The following UBAP1 variants were observed in gnomAD, a reference collection of about 807,000 sequenced individuals.
UBAP1 encodes the protein ubiquitin associated protein 1.
UBAP1 carries 5 observed loss-of-function variants against 39.0 expected under a neutral mutation model. The observed-to-expected ratio is 0.13, with a 90% confidence interval of 0.07 to 0.27. UBAP1 has a LOEUF of 0.27. Ranked by LOEUF, UBAP1 falls within the 10% of genes least tolerant of loss-of-function variation. The pLI is 1.00. For synonymous variants in UBAP1, 211 were observed against 225.1 expected, an observed-to-expected ratio of 0.94 and a Z score of 0.56; for missense variants, 490 against 608.1, an observed-to-expected ratio of 0.81 and a Z score of 2.04.
chr9:34,183,417 T>C (rs1317237777), intron 1 of UBAP1, among the ~76,000 whole-genome samples: 2 of 151,610 alleles, frequency 1.3e-5, no homozygotes, highest in Admixed American at 1.3e-4. Context: ...TGGTGGTGTG[T>C]GCCTGTAGTC....
At chr9:34,250,802 G>A (rs1340816627) in intron 6 of UBAP1, 43 bp downstream of exon 6, 1 of 1,540,432 alleles carries the variant, frequency 6.5e-7, no homozygotes, top group Non-Finnish European at 9.0e-7. Context: ...GGAAAAGGAG[G>A]GACCAAGTAT....
intron 1 of UBAP1, among the ~76,000 whole-genome samples, chr9:34,198,886 A>G (rs1244215215): frequency 6.6e-6 from 1 of 152,188 alleles, no homozygotes; most frequent in East Asian, 1.9e-4. Flanking sequence ...GCAGTCAAAA[A>G]GTCAAGCCAC....
At chr9:34,190,656 CAG>C (rs1227318204) in intron 1 of UBAP1, among the ~76,000 whole-genome samples, 2 of 131,128 alleles carry the variant, frequency 1.5e-5, no homozygotes, top group Non-Finnish European at 3.2e-5. Flanking sequence ...TTTTTGGAGA[CAG>C]GGTCTCGCTC....
intron 4 of UBAP1, among the ~76,000 whole-genome samples, chr9:34,245,775 T>TG (rs1478502155): frequency 8.2e-6 from 1 of 121,278 alleles, no homozygotes; most frequent in African/African-American, 3.2e-5. Context: ...GGGATCCTAA[T>TG]GGGCTGATAG....
chr9:34,233,119 T>A (rs1587866276), intron 2 of UBAP1, among the ~76,000 whole-genome samples: 1 of 152,184 alleles, frequency 6.6e-6, no homozygotes, highest in Non-Finnish European at 1.5e-5. Context: ...CAGAATCCCA[T>A]GATTTTGTCG....
chr9:34,225,151 T>A (rs1832977332), intron 2 of UBAP1, among the ~76,000 whole-genome samples: 1 of 152,172 alleles, frequency 6.6e-6, no homozygotes, highest in Admixed American at 6.6e-5. Context: ...TGTGGGTAAC[T>A]TTTCTGTGGC....
chr9:34,189,281 A>T (rs1426691144), intron 1 of UBAP1, among the ~76,000 whole-genome samples: 3 of 151,056 alleles, frequency 2.0e-5, no homozygotes, highest in African/African-American at 7.3e-5. Context: ...CTCCTCCTCC[A>T]GGGTTCAAGT....
At chr9:34,200,745 A>G (rs996713724) in intron 1 of UBAP1, among the ~76,000 whole-genome samples, 2 of 152,138 alleles carry the variant, frequency 1.3e-5, no homozygotes, top group African/African-American at 2.4e-5. Context: ...TTTCTGTCCT[A>G]TCCTATCCTT....
At chr9:34,189,883 G>A (rs758525981) in intron 1 of UBAP1, among the ~76,000 whole-genome samples, 1 of 151,914 alleles carries the variant, frequency 6.6e-6, no homozygotes, top group Non-Finnish European at 1.5e-5. Context: ...TGATCTACCC[G>A]CCTCAGCCTC....
upstream of UBAP1, chr9:34,179,033 G>A (rs865884402): frequency 7.9e-7 from 1 of 1,262,482 alleles, no homozygotes; most frequent in Non-Finnish European, 1.0e-6. Flanking sequence ...GGCGGTGAGG[G>A]GAAGGAGGAG....
At chr9:34,224,380 T>C in intron 2 of UBAP1, 2 of 434,188 alleles carry the variant, frequency 4.6e-6, no homozygotes, top group South Asian at 1.0e-4. Flanking sequence ...ATTAAACGCA[T>C]TGTAGACAAC....
At chr9:34,223,832 T>G (rs1832892835) in intron 2 of UBAP1, among the ~76,000 whole-genome samples, 1 of 152,226 alleles carries the variant, frequency 6.6e-6, no homozygotes, top group Admixed American at 6.5e-5. Context: ...CTTAGGCTGC[T>G]TCTCCTTTAA....
chr9:34,231,926 C>T (rs1343892715), intron 2 of UBAP1, among the ~76,000 whole-genome samples: 1 of 152,098 alleles, frequency 6.6e-6, no homozygotes, highest in Non-Finnish European at 1.5e-5. Flanking sequence ...CCACTGTGCC[C>T]GGCCGGGACA....
intron 1 of UBAP1, among the ~76,000 whole-genome samples, chr9:34,193,432 G>T (rs1017102563): frequency 1.3e-5 from 2 of 152,114 alleles, no homozygotes; most frequent in Non-Finnish European, 2.9e-5. Flanking sequence ...AAGTGTGGGG[G>T]TTTTTCACCT....
chr9:34,214,194 AAAG>A (rs956074010), intron 1 of UBAP1, among the ~76,000 whole-genome samples: 6 of 152,352 alleles, frequency 3.9e-5, no homozygotes, highest in African/African-American at 1.4e-4. Flanking sequence ...TGGAACAAAA[AAAG>A]AACCTGCATA....
rs1833974706 is a variant in UBAP1, at chr9:34,241,885, T to C, written c.860T>C (p.Phe287Ser). The part of the protein sequence containing the change: ...NQKTAKLAST[F>S]HSTSCLRNGT... ...AAGACAGCCAAGCTGGCGAGCACTT[T>C]CCATAGCACATCCTGCCTCCGCAAT... The change falls in exon 4 of 7, where the codon TTC (phenylalanine) becomes TCC (serine). Residue 287 changes from phenylalanine to serine, a missense_variant. Physicochemically the swap from Phe to Ser is radical, Grantham distance 155 (BLOSUM62 -2). This residue lies in a region of UBAP1 where 339 missense variants were observed against 390.0 expected (regional missense o/e 0.87). Coordinates refer to ENST00000297661, the MANE Select transcript of UBAP1 (RefSeq NM_016525.5). The C allele has an allele frequency of 6.2e-7, 1 of 1,614,164 alleles. No individual in the cohort carries two copies. Among genetic ancestry groups the C allele is most frequent in the Non-Finnish European group, 8.5e-7 (1 of 1,180,036 alleles).
At chr9:34,225,620 A>G (rs928362772) in intron 2 of UBAP1, among the ~76,000 whole-genome samples, 27 of 150,748 alleles carry the variant, frequency 1.8e-4, no homozygotes, top group Non-Finnish European at 2.1e-4. Flanking sequence ...TACTAAAAAT[A>G]CAAAAAAAAA....
At chr9:34,195,620 G>C (rs544112805) in intron 1 of UBAP1, among the ~76,000 whole-genome samples, 1 of 149,296 alleles carries the variant, frequency 6.7e-6, no homozygotes, top group African/African-American at 2.5e-5. Context: ...TTTCTGAGAC[G>C]GAGTTTCACT....
intron 2 of UBAP1, among the ~76,000 whole-genome samples, chr9:34,222,468 T>G (rs568671500): frequency 6.6e-6 from 1 of 152,200 alleles, no homozygotes; most frequent in African/African-American, 2.4e-5. Context: ...TTATTACAGG[T>G]CTTCTTAAAA....
Sources: gnomAD v4.1 joint callset for allele counts (sites outside exome capture counted in the v4.1 genomes callset) on GRCh38, gnomAD v4.1.1 for gene constraint, gnomAD v4.1.1 regional missense constraint, MANE v1.5 for transcripts, NCBI Gene and HGNC (gene_info 2026-07-23, HGNC 2026-07-21) for gene names.